Variants in GGCX observed in about 807,000 individuals in gnomAD.
The protein encoded by GGCX is gamma-glutamyl carboxylase.
In GGCX, 63 loss-of-function variants were observed where a neutral mutation model predicts 88.5. The ratio of observed to expected loss-of-function variants is 0.71; its 90% CI spans 0.58 to 0.88. GGCX has a LOEUF of 0.88. Among genes scored for constraint, GGCX ranks in the 40% least tolerant of loss-of-function variants. The pLI, the probability that GGCX is intolerant of heterozygous loss-of-function variation, is 0.00. For synonymous variants in GGCX, 368 were observed against 365.8 expected (o/e 1.01, Z -0.07); for missense variants, 805 against 932.9 (o/e 0.86, Z 1.79).
chr2:85,552,307 A>G, intron 10 of GGCX, 109 bp downstream of exon 10: 2 of 1,097,828 alleles, frequency 1.8e-6, no homozygotes, highest in Non-Finnish European at 2.8e-6. Flanking sequence ...GACATGCACT[A>G]GAGGAAGGAC....
chr2:85,554,080 C>T, intron 7 of GGCX, 63 bp downstream of exon 7: 2 of 1,321,838 alleles, frequency 1.5e-6, no homozygotes, highest in Non-Finnish European at 2.2e-6. Flanking sequence ...CAAACAATGC[C>T]TCTGGCTAGT....
rs1691597972 is a variant in GGCX at position 85,545,217 on chromosome 2, A to G, written c.*4717T>C. Reference sequence around the variant, plus strand: ...ATCTATTTTTGGAGGTTTATTACGTATGTCTGGTTCTCAATTCCAACAGTT... The same window carrying G: ...ATCTATTTTTGGAGGTTTATTACGTGTGTCTGGTTCTCAATTCCAACAGTT... On this transcript the variant is annotated 3_prime_UTR_variant, in exon 15 of 15. Transcript: ENST00000233838. 3 of 152,614 alleles carry G rather than the reference A, an allele frequency of 2.0e-5. No individual in the cohort carries two copies. The highest frequency in any genetic ancestry group is 2.9e-5 in the Non-Finnish European group (2 of 68,032). The allele number at this position is 152,614 out of a possible 1,614,324, so 9.5% of individuals were successfully genotyped here. A position where few individuals can be genotyped will look rare whatever the true frequency, so the allele number is the denominator to read the frequency against.
Position 85,554,293 on chromosome 2 carries a change from C to G in GGCX, c.739G>C (p.Glu247Gln). ...LFSPFKLLLS[E>Q]ELTSLLVVHW... ...ACGACCAGCAGGCTAGTCAGCTCCTCAGACAACAGCAGTCTGCAAACACAT... is the reference window on the plus strand; with the variant it reads ...ACGACCAGCAGGCTAGTCAGCTCCTGAGACAACAGCAGTCTGCAAACACAT... Residue 247 changes from glutamate to glutamine, a missense_variant, in exon 7 of 15, where the codon GAG becomes CAG. Transcript: ENST00000233838. 6.2e-7 allele frequency: 1 copy of G among 1,613,940 alleles called. No homozygotes were observed. Among genetic ancestry groups the G allele is most frequent in the African/African-American group, 1.3e-5 (1 of 75,032 alleles).
Position 85,549,821 on chromosome 2 carries a change from C to T in GGCX, c.*113G>A. 1.5e-6 allele frequency: 1 copy of T among 662,326 alleles called. No individual in the cohort carries two copies. The allele number at this position is 662,326 out of a possible 1,614,324, so 41.0% of individuals were successfully genotyped here. A position where few individuals can be genotyped will look rare whatever the true frequency, so the allele number is the denominator to read the frequency against. On this transcript the variant is annotated 3_prime_UTR_variant, in exon 15 of 15. Transcript: ENST00000233838. ...GTTAAAAACAGCTTTAGAACCCCGC[C>T]CCCCCAAAAAAAAAAAAAAAACTTT...
rs886056359 is a variant in GGCX, at chr2:85,546,010, T to C, written c.*3924A>G. On this transcript the variant is annotated 3_prime_UTR_variant, in exon 15 of 15. Transcript: ENST00000233838. ...ACCTAGGAGCTACATGCATAGAGAATAGCCACTTGGATTACATTTCTACCA... is the reference window on the plus strand; with the variant it reads ...ACCTAGGAGCTACATGCATAGAGAACAGCCACTTGGATTACATTTCTACCA... The C allele has an allele frequency of 2.0e-5, 3 of 152,222 alleles. No homozygotes were observed. The highest frequency in any genetic ancestry group is 4.1e-4 in the South Asian group (2 of 4,832). 9.4% of individuals were successfully genotyped at this position (152,222 alleles called of 1,614,324 possible).
At position 85,547,116 on chromosome 2, in the gene GGCX, CAG is replaced by C. The variant is rs1691707956; in HGVS notation, c.*2816_*2817del. ...TGGAGGAACATTAGGCCACAGGGAGCAGAGGGAAAGCATAACAGCAGGGGATG... is the reference window on the plus strand; with the variant it reads ...TGGAGGAACATTAGGCCACAGGGAGCAGGGAAAGCATAACAGCAGGGGATG... On this transcript the variant is annotated 3_prime_UTR_variant, in exon 15 of 15. Coordinates refer to ENST00000233838, the MANE Select transcript of GGCX (RefSeq NM_000821.7). 1.3e-5 allele frequency: 2 copies of C among 152,168 alleles called. No homozygotes were observed. Among genetic ancestry groups the C allele is most frequent in the Non-Finnish European group, 2.9e-5 (2 of 68,084 alleles). The allele number at this position is 152,168 out of a possible 1,614,324, so 9.4% of individuals were successfully genotyped here.
rs765419647 is a variant in GGCX, at chr2:85,554,353, C to T, written c.726-47G>A. 1.0e-5 allele frequency: 16 copies of T among 1,561,016 alleles called. No individual in the cohort carries two copies. In the East Asian group the frequency reaches 3.1e-4, roughly 31 times the overall value. Reference sequence around the variant, plus strand: ...TCAAGCACCAGCCCACTGGAGAACACATCAAAGCACATTCACAGCACGAAT... The same window carrying T: ...TCAAGCACCAGCCCACTGGAGAACATATCAAAGCACATTCACAGCACGAAT... On this transcript the variant is annotated intron_variant, in intron 6 of 14. Transcript: ENST00000233838.
rs1473455291 is a variant in GGCX at position 85,555,491 on chromosome 2, G to T, written c.718C>A (p.Pro240Thr). 1 of 1,551,012 alleles carries T rather than the reference G, an allele frequency of 6.4e-7. No individual in the cohort carries two copies. The highest frequency in any genetic ancestry group is 8.9e-7 in the Non-Finnish European group (1 of 1,122,510). ...EYLSRHWLFS[P>T]FKLLLSEELT... ...ACCATGACTGCCACTCACTTGAAGG[G>T]ACTGAAGAGCCAGTGCCGGGACAAA... Residue 240 changes from proline to threonine, a missense_variant, in exon 6 of 15, where the codon CCC (proline) becomes ACC (threonine). By Grantham distance (38) the Pro-to-Thr change is conservative (BLOSUM62 -1). Transcript: ENST00000233838.
chr2:85,549,037 GATAA>G lies in GGCX; in HGVS notation c.*893_*896del, dbSNP rs1341324603. ...AAGAAGGAACCAAAATTGCAATGAA[GATAA>G]ATTACTTTGTGTGCATTTACAACCT... On this transcript the variant is annotated 3_prime_UTR_variant, in exon 15 of 15. Transcript: ENST00000233838. 9 of 152,262 alleles carry G rather than the reference GATAA, an allele frequency of 5.9e-5. No individual in the cohort carries two copies. Among genetic ancestry groups the G allele is most frequent in the Admixed American group, 5.2e-4 (8 of 15,288 alleles). 9.4% of individuals were successfully genotyped at this position (152,262 alleles called of 1,614,324 possible).
rs537988830 is a variant in GGCX, at chr2:85,547,193, G to A, written c.*2741C>T. On this transcript the variant is annotated 3_prime_UTR_variant, in exon 15 of 15. Coordinates refer to ENST00000233838, the MANE Select transcript of GGCX (RefSeq NM_000821.7). ...GCATGAAAGTATGACTTAAGGAAAT[G>A]TCTTTAGGTTGAACATTCTGTATAT... The A allele has an allele frequency of 2.6e-5, 4 of 152,194 alleles. No individual in the cohort carries two copies. Among genetic ancestry groups the A allele is most frequent in the Non-Finnish European group, 4.4e-5 (3 of 68,044 alleles). 9.4% of individuals were successfully genotyped at this position (152,194 alleles called of 1,614,324 possible).
intron 10 of GGCX, 105 bp downstream of exon 10, chr2:85,552,307 AGAGG>A: frequency 4.6e-6 from 5 of 1,097,828 alleles, no homozygotes; most frequent in Non-Finnish European, 7.0e-6. Flanking sequence ...GACATGCACT[AGAGG>A]AAGGACAGCT....
chr2:85,552,966 A>G lies in GGCX; in HGVS notation c.1260T>C (p.Thr420=), dbSNP rs72940574. The change falls in exon 9 of 15, where the codon ACT becomes ACC. Residue 420 remains threonine (T), a synonymous_variant. Transcript: ENST00000233838. ...HVKITYRDGR[T]GELGYLNPGV... ...CAGGGTTAAGGTAGCCCAGTTCGCC[A>G]GTGCGGCCATCACGGTAGGTGATCT... The G allele has an allele frequency of 5.0e-6, 8 of 1,614,236 alleles. No homozygotes were observed. Among genetic ancestry groups the G allele is most frequent in the Non-Finnish European group, 6.8e-6 (8 of 1,180,012 alleles).
chr2:85,558,967 C>T lies in GGCX; in HGVS notation c.323G>A (p.Arg108His), dbSNP rs557304232. The T allele has an allele frequency of 3.1e-6, 5 of 1,613,788 alleles. No homozygotes were observed. Among genetic ancestry groups the T allele is most frequent in the Admixed American group, 1.7e-5 (1 of 60,016 alleles). Residue 108 changes from arginine (R) to histidine (H), a missense_variant, in exon 3 of 15, where the codon CGC (arginine) becomes CAC (histidine). Around this residue, in one of 3 missense-constraint regions of GGCX, gnomAD observed 61 missense variants for 111.9 expected, o/e 0.54. Transcript: ENST00000233838. ...VCRFPLLDALRPLPLDWMYLV... is the reference protein window; with the variant it reads ...VCRFPLLDALHPLPLDWMYLV... Reference sequence around the variant, plus strand: ...ATACATCCAGTCAAGTGGCAGTGGGCGTAGGGCATCCAGCAAGGGGAAGCG... The same window carrying T: ...ATACATCCAGTCAAGTGGCAGTGGGTGTAGGGCATCCAGCAAGGGGAAGCG...
At position 85,550,621 on chromosome 2, in the gene GGCX, C is replaced by T. The variant is rs571784981; in HGVS notation, c.2018G>A (p.Arg673Gln). Residue 673 changes from arginine to glutamine, a missense_variant, in exon 14 of 15, where the codon CGA becomes CAA. Arg to Gln is a conservative substitution (Grantham distance 43). This residue lies in a region of GGCX where 680 missense variants were observed against 763.7 expected (regional missense o/e 0.89). Coordinates refer to ENST00000233838, the MANE Select transcript of GGCX (RefSeq NM_000821.7). ...QQRLQEIERR[R>Q]NTPFHERFFR... ...GAATCGCTCATGGAAAGGAGTATTT[C>T]GCCGGCGTTCAATCTCCTGGAGCCT... The T allele has an allele frequency of 2.0e-5, 33 of 1,613,978 alleles. No individual in the cohort carries two copies. Among genetic ancestry groups the T allele is most frequent in the Admixed American group, 1.2e-4 (7 of 60,026 alleles).
intron 10 of GGCX, among the ~76,000 whole-genome samples, 175 bp downstream of exon 10, chr2:85,552,241 G>A (rs1457987251): frequency 1.3e-5 from 2 of 152,158 alleles, no homozygotes; most frequent in African/African-American, 2.4e-5. Flanking sequence ...TTTTCTCCTG[G>A]ATGATGGTGC....
chr2:85,553,903 A>C, intron 7 of GGCX: 1 of 547,770 alleles, frequency 1.8e-6, no homozygotes, highest in Non-Finnish European at 3.3e-6. Context: ...GCCCGGCCAC[A>C]AAGTAGTTCT....
At chr2:85,552,721 G>A (rs1279350151) in intron 9 of GGCX, among the ~76,000 whole-genome samples, 154 bp from the exon 10 acceptor site, 1 of 152,162 alleles carries the variant, frequency 6.6e-6, no homozygotes, top group Non-Finnish European at 1.5e-5. Flanking sequence ...TCATTGTTGG[G>A]CTAGTGGTGC....
rs574933791 is a variant in GGCX, at chr2:85,552,779, C to T, written c.1287+160G>A. The T allele has an allele frequency of 9.0e-6, 8 of 889,396 alleles. No individual in the cohort carries two copies. In the African/African-American group the frequency reaches 1.3e-4, roughly 15 times the overall value. 55.1% of individuals were successfully genotyped at this position (889,396 alleles called of 1,614,324 possible). ...CAGTTCAAGGAAATGAATGCATTGC[C>T]CTATCTCAACCCACATAAAAGATAG... On this transcript the variant is annotated intron_variant, in intron 9 of 14. Coordinates refer to ENST00000233838, the MANE Select transcript of GGCX (RefSeq NM_000821.7).
At position 85,550,091 on chromosome 2, in the gene GGCX, A is replaced by G. The variant is rs1311714334; in HGVS notation, c.2120T>C (p.Ile707Thr). The change falls in exon 15 of 15, where the codon ATA becomes ACA. Residue 707 changes from isoleucine to threonine, a missense_variant. By Grantham distance (89) the Ile-to-Thr change is moderately conservative (BLOSUM62 -1). Coordinates refer to ENST00000233838, the MANE Select transcript of GGCX (RefSeq NM_000821.7). ...CTGCTCCAGGGAAGGACGGCCTAAT[A>G]TCAGATTTCGAAGTGAGATACAAGT... The part of the protein sequence containing the change: ...LMTCISLRNL[I>T]LGRPSLEQLA... 1.9e-6 allele frequency: 3 copies of G among 1,613,744 alleles called. No individual in the cohort carries two copies. Among genetic ancestry groups the G allele is most frequent in the Non-Finnish European group, 2.5e-6 (3 of 1,179,784 alleles).
Sources: gnomAD v4.1 joint callset for allele counts (sites outside exome capture counted in the v4.1 genomes callset) on GRCh38, gnomAD v4.1.1 for gene constraint, gnomAD v4.1.1 regional missense constraint, MANE v1.5 for transcripts, NCBI Gene and HGNC (gene_info 2026-07-23, HGNC 2026-07-21) for gene names.